The following EEF1A2 variants were observed in gnomAD, a reference collection of about 807,000 sequenced individuals.
EEF1A2 encodes elongation factor 1-alpha 2.
EEF1A2 carries 5 observed loss-of-function variants against 39.3 expected under a neutral mutation model. That is an observed-to-expected ratio of 0.13 (90% CI 0.07 to 0.27). The LOEUF is 0.27. Among genes scored for constraint, EEF1A2 ranks in the 10% least tolerant of loss-of-function variants. The pLI is 1.00. For synonymous variants in EEF1A2, 287 were observed against 293.7 expected (o/e 0.98, Z 0.23); for missense variants, 218 against 681.4 (o/e 0.32, Z 7.57).
intron 7 of EEF1A2, 50 bp from the exon 8 acceptor site, chr20:63,488,475 C>A (rs527455556): frequency 5.9e-6 from 8 of 1,362,316 alleles, no homozygotes; most frequent in Non-Finnish European, 7.6e-6. Flanking sequence ...CTTGACCCCC[C>A]CCAACCCCAG....
chr20:63,488,543 G>C (rs569597803), intron 7 of EEF1A2, 118 bp from the exon 8 acceptor site: 26 of 1,274,414 alleles, frequency 2.0e-5, no homozygotes, highest in Non-Finnish European at 2.6e-5. Context: ...CACGCTTAGC[G>C]CAGAGCGCGC....
chr20:63,490,223 C>G, intron 6 of EEF1A2: 2 of 412,738 alleles, frequency 4.8e-6, no homozygotes, highest in Admixed American at 7.2e-5. Flanking sequence ...CGTGCCACCA[C>G]GCCTGGCTAA....
At chr20:63,491,939 TGGAC>T (rs1257456352) in intron 5 of EEF1A2, among the ~76,000 whole-genome samples, 13 of 123,682 alleles carry the variant, frequency 1.1e-4, no homozygotes, top group East Asian at 5.3e-4. Flanking sequence ...GATGGATGGA[TGGAC>T]GGACGGATGG....
At chr20:63,494,306 C>T (rs1190573220) in intron 4 of EEF1A2, among the ~76,000 whole-genome samples, 2 of 152,244 alleles carry the variant, frequency 1.3e-5, no homozygotes, top group Non-Finnish European at 2.9e-5. Flanking sequence ...TCCCAGGTGA[C>T]CGGCCAAGAG....
chr20:63,488,268 G>C lies in EEF1A2; in HGVS notation c.*30C>G, dbSNP rs1287183569. On this transcript the variant is annotated 3_prime_UTR_variant, in exon 8 of 8. Transcript: ENST00000217182. Reference sequence around the variant, plus strand: ...CCGGGGTTCGGAGCGCGGCACCGCCGGGGAGGGTCGCGCCGCGGGCGCCCG... The same window carrying C: ...CCGGGGTTCGGAGCGCGGCACCGCCCGGGAGGGTCGCGCCGCGGGCGCCCG... The C allele has an allele frequency of 2.7e-6, 3 of 1,114,264 alleles. No homozygotes were observed. The highest frequency in any genetic ancestry group is 3.3e-6 in the Non-Finnish European group (3 of 902,160). The allele number at this position is 1,114,264 out of a possible 1,614,324, so 69.0% of individuals were successfully genotyped here. A position where few individuals can be genotyped will look rare whatever the true frequency, so the allele number is the denominator to read the frequency against.
chr20:63,488,214 C>T lies in EEF1A2; in HGVS notation c.*84G>A, dbSNP rs1450022817. 80 of 781,898 alleles carry T rather than the reference C, an allele frequency of 1.0e-4. 1 individual carries two copies. The highest frequency in any genetic ancestry group is 1.1e-4 in the Non-Finnish European group (80 of 705,616). 48.4% of individuals were successfully genotyped at this position (781,898 alleles called of 1,614,324 possible). A position where few individuals can be genotyped will look rare whatever the true frequency, so the allele number is the denominator to read the frequency against. Reference sequence around the variant, plus strand: ...GGGTGCGGGGCGCCGGACCGGCGCGCGGGGCGGGGGCGGGGCGGGGGCCCG... The same window carrying T: ...GGGTGCGGGGCGCCGGACCGGCGCGTGGGGCGGGGGCGGGGCGGGGGCCCG... On this transcript the variant is annotated 3_prime_UTR_variant, in exon 8 of 8. Coordinates refer to ENST00000217182, the MANE Select transcript of EEF1A2 (RefSeq NM_001958.5).
At chr20:63,491,948 G>A (rs1265356611) in intron 5 of EEF1A2, among the ~76,000 whole-genome samples, 3 of 130,954 alleles carry the variant, frequency 2.3e-5, no homozygotes, top group Non-Finnish European at 3.2e-5. Context: ...ATGGACGGAC[G>A]GATGGGGAGG....
At position 63,489,102 on chromosome 20, in the gene EEF1A2, G is replaced by A. The variant is rs1175026087; in HGVS notation, c.1080C>T (p.Val360=). ...CGATGTGGGCTGTGTGGCAGTCGAT[G>A]ACCGGGGAGTAGCCGGCGCTAATCT... is the stretch of plus-strand genomic sequence containing the variant. ...PGQISAGYSP[V]IDCHTAHIAC... is the part of the protein sequence containing the mutation. The change falls in exon 7 of 8, where the codon GTC becomes GTT. Residue 360 remains valine (V), a synonymous_variant. Transcript: ENST00000217182. 3.7e-6 allele frequency: 6 copies of A among 1,612,642 alleles called. No homozygotes were observed. The African/African-American group carries it at 4.0e-5, about 11-fold the overall frequency.
Position 63,498,987 on chromosome 20 carries a change from G to A in EEF1A2, c.-72+71C>T, listed in dbSNP as rs1406527554. The stretch of plus-strand genomic sequence containing the variant: ...GGGCCCGGCCACCCTCTGCCCCCCA[G>A]GACCGGCCCCGGGGGTCCCTCTTCG... On this transcript the variant is annotated intron_variant, in intron 1 of 7. Coordinates refer to ENST00000217182, the MANE Select transcript of EEF1A2 (RefSeq NM_001958.5). The surrounding 1 kb of genome is among the most constrained non-coding windows in gnomAD (Gnocchi z 4.1). 1 of 149,770 alleles carries A rather than the reference G, an allele frequency of 6.7e-6. No individual in the cohort carries two copies. Among genetic ancestry groups the A allele is most frequent in the Non-Finnish European group, 1.5e-5 (1 of 67,262 alleles). The allele number at this position is 149,770 out of a possible 1,614,324, so 9.3% of individuals were successfully genotyped here. A position where few individuals can be genotyped will look rare whatever the true frequency, so the allele number is the denominator to read the frequency against.
chr20:63,489,768 G>A (rs2145939312), intron 6 of EEF1A2, among the ~76,000 whole-genome samples: 1 of 152,170 alleles, frequency 6.6e-6, no homozygotes, highest in South Asian at 2.1e-4. Context: ...GGGCAACAGA[G>A]CGAGACTCCG....
intron 6 of EEF1A2, chr20:63,490,056 G>A (rs1205115820): frequency 3.8e-5 from 6 of 158,094 alleles, no homozygotes; most frequent in East Asian, 1.5e-4. Flanking sequence ...GGTGGTATGC[G>A]GGTCCCTTTT....
In EEF1A2 at chr20:63,497,982, C is replaced by T. The variant is rs575748551; in HGVS notation, c.-71-148G>A. The T allele has an allele frequency of 6.9e-6, 4 of 583,886 alleles. No homozygotes were observed. In the South Asian group the frequency reaches 7.2e-5, roughly 10 times the overall value. The allele number at this position is 583,886 out of a possible 1,614,324, so 36.2% of individuals were successfully genotyped here. A position where few individuals can be genotyped will look rare whatever the true frequency, so the allele number is the denominator to read the frequency against. ...GTGGGGAGGGAAGGGCCCCCACCCA[C>T]AGCTGGGCCTGGCCAGGGCAAGCAG... is the stretch of plus-strand genomic sequence containing the variant. On this transcript the variant is annotated intron_variant, in intron 1 of 7. Transcript: ENST00000217182. The surrounding 1 kb of genome is among the most constrained non-coding windows in gnomAD (Gnocchi z 7.3).
chr20:63,493,502 A>G (rs1302349651), intron 4 of EEF1A2, among the ~76,000 whole-genome samples: 1 of 152,118 alleles, frequency 6.6e-6, no homozygotes, highest in Non-Finnish European at 1.5e-5. Flanking sequence ...GGAGGAGGAC[A>G]AAGAGGGAAA....
At chr20:63,496,823 G>T (rs536402922) in intron 2 of EEF1A2, 1 of 152,594 alleles carries the variant, frequency 6.6e-6, no homozygotes, top group African/African-American at 2.4e-5. Flanking sequence ...TCCTGACAAG[G>T]CCAGGTAAAG....
chr20:63,488,886 G>A (rs755475103), intron 7 of EEF1A2, 32 bp downstream of exon 7: 2 of 1,603,436 alleles, frequency 1.2e-6, no homozygotes, highest in South Asian at 1.1e-5. Context: ...CACAGCCTGG[G>A]GGCTGCACCT....
rs764950971 is a variant in EEF1A2, at chr20:63,497,603, T to C, written c.144+17A>G. The C allele has an allele frequency of 1.2e-6, 2 of 1,608,060 alleles. No individual in the cohort carries two copies. The highest frequency in any genetic ancestry group is 2.2e-5 in the South Asian group (2 of 90,352). ...GTTCCTTCTCAGGGGGCCAAGACCA[T>C]AGCCTGGGGAGCTCACCTCAGCCGC... On this transcript the variant is annotated intron_variant, in intron 2 of 7. Coordinates refer to ENST00000217182, the MANE Select transcript of EEF1A2 (RefSeq NM_001958.5). The surrounding 1 kb of genome is among the most constrained non-coding windows in gnomAD (Gnocchi z 7.3).
chr20:63,494,747 T>C, intron 4 of EEF1A2, 58 bp downstream of exon 4: 3 of 1,558,416 alleles, frequency 1.9e-6, no homozygotes, highest in South Asian at 2.3e-5. Flanking sequence ...GGTGCCTCGC[T>C]CTGGGCCAGG....
At chr20:63,494,767 C>T in intron 4 of EEF1A2, 38 bp downstream of exon 4, 1 of 1,583,892 alleles carries the variant, frequency 6.3e-7, no homozygotes, top group Non-Finnish European at 8.6e-7. Context: ...GGGGTCCAGC[C>T]AGCTCCCGTG....
intron 5 of EEF1A2, among the ~76,000 whole-genome samples, chr20:63,491,741 AGTAGGGAGATGGATGGATGGATTGGTGG>A (rs1487850594): frequency 2.5e-5 from 3 of 118,650 alleles, no homozygotes; most frequent in Non-Finnish European, 5.4e-5. Context: ...GAGATGGATG[AGTAGGGAGATGGATGGATGGATTGGTGG>A]ATGGATGGAT....
Sources: allele counts gnomAD v4.1 joint callset (sites outside exome capture counted in the v4.1 genomes callset), GRCh38; gene constraint gnomAD v4.1.1; non-coding constraint Gnocchi (gnomAD v3.1); transcripts MANE v1.5; gene names NCBI Gene and HGNC (gene_info 2026-07-23, HGNC 2026-07-21).